The following ZSCAN30 variants were observed in gnomAD, a reference collection of about 807,000 sequenced individuals.
ZSCAN30 encodes the protein zinc finger and SCAN domain-containing protein 30.
A neutral mutation model predicts 44.3 loss-of-function variants in ZSCAN30; 37 were observed. The observed-to-expected ratio is 0.84, with a 90% CI of 0.64 to 1.10. The LOEUF is 1.10. Ranked by LOEUF, ZSCAN30 falls within the 50% of genes least tolerant of loss-of-function variation. The pLI is 0.00. For missense variants in ZSCAN30, 549 were observed against 582.6 expected (o/e 0.94, Z 0.59); for synonymous variants, 181 against 204.6 (o/e 0.88, Z 0.98).
chr18:35,254,304 A>G lies in ZSCAN30; in HGVS notation c.631T>C (p.Ser211Pro). 1 of 1,614,106 alleles carries G rather than the reference A, an allele frequency of 6.2e-7. No individual in the cohort carries two copies. Among genetic ancestry groups the G allele is most frequent in the Non-Finnish European group, 8.5e-7 (1 of 1,179,964 alleles). ...VECVASAAMI[S>P]PGKLPGETHS... ...GTTTCTCCAGGAAGTTTTCCCGGCG[A>G]TATCATAGCTGCTGAGGCTACACAT... The change falls in exon 4 of 4, where the codon TCG (serine) becomes CCG (proline). Residue 211 changes from serine to proline, a missense_variant. Physicochemically the swap from Ser to Pro is moderately conservative, Grantham distance 74. Coordinates refer to ENST00000333206, the MANE Select transcript of ZSCAN30 (RefSeq NM_001112734.4).
intron 3 of ZSCAN30, among the ~76,000 whole-genome samples, chr18:35,255,541 T>C (rs191647155): frequency 2.0e-5 from 3 of 152,224 alleles, no homozygotes; most frequent in South Asian, 2.1e-4. Context: ...CTGCCTTCCA[T>C]ATTGGAAGGA....
At position 35,260,855 on chromosome 18, in the gene ZSCAN30, T is replaced by A. The variant is rs116780558; in HGVS notation, c.553+2658A>T. On this transcript the variant is annotated intron_variant, in intron 3 of 3. Transcript: ENST00000333206. ...CTTTTGCTGTGCAAAAGCTCTTTAA[T>A]TACGTCCCATTTGTCAATTTTTGCT... 77 of 152,336 alleles carry A rather than the reference T, an allele frequency of 5.1e-4. 1 individual carries two copies. The highest frequency in any genetic ancestry group is 1.9e-3 in the African/African-American group (77 of 41,574). The allele number at this position is 152,336 out of a possible 1,614,324, so 9.4% of individuals were successfully genotyped here.
chr18:35,260,845 A>C (rs945220306), intron 3 of ZSCAN30: 3 of 151,938 alleles, frequency 2.0e-5, no homozygotes, highest in Non-Finnish European at 2.9e-5. Flanking sequence ...GCTGTGCAAA[A>C]GCTCTTTAAT....
Position 35,264,415 on chromosome 18 carries a change from T to C in ZSCAN30, c.-63A>G. The C allele has an allele frequency of 6.6e-7, 1 of 1,523,780 alleles. No homozygotes were observed. The highest frequency in any genetic ancestry group is 1.3e-5 in the South Asian group (1 of 78,668). The allele number at this position is 1,523,780 out of a possible 1,614,324, so 94.4% of individuals were successfully genotyped here. Reference sequence around the variant, plus strand: ...GGCAGGGAGGAGATGGAGATTTGCGTCTGAGAGATTCCTTCTGAATTCCAA... The same window carrying C: ...GGCAGGGAGGAGATGGAGATTTGCGCCTGAGAGATTCCTTCTGAATTCCAA... On this transcript the variant is annotated 5_prime_UTR_variant, in exon 2 of 4. Coordinates refer to ENST00000333206, the MANE Select transcript of ZSCAN30 (RefSeq NM_001112734.4).
intron 1 of ZSCAN30, chr18:35,267,527 G>C (rs1485449231): frequency 6.6e-6 from 1 of 152,092 alleles, no homozygotes; most frequent in Non-Finnish European, 1.5e-5. Context: ...CGAGAACAAT[G>C]CCCGGCCGCA....
intron 1 of ZSCAN30, among the ~76,000 whole-genome samples, chr18:35,277,694 A>G (rs780972627): frequency 6.6e-6 from 1 of 152,148 alleles, no homozygotes; most frequent in African/African-American, 2.4e-5. Flanking sequence ...ACCCAGTCTC[A>G]GGTATGTCTT....
chr18:35,284,673 T>C (rs1249319899), intron 1 of ZSCAN30: 1 of 155,100 alleles, frequency 6.4e-6, no homozygotes, highest in African/African-American at 2.4e-5. Flanking sequence ...CCAAGCCTGC[T>C]GAGGTGGGGG....
chr18:35,275,182 T>C (rs1342205347), intron 1 of ZSCAN30, among the ~76,000 whole-genome samples: 1 of 152,230 alleles, frequency 6.6e-6, no homozygotes, highest in Admixed American at 6.5e-5. Flanking sequence ...TGAATTGTCC[T>C]TCTTATCTAT....
At chr18:35,268,257 A>G (rs2044204173) in intron 1 of ZSCAN30, 1 of 152,324 alleles carries the variant, frequency 6.6e-6, no homozygotes, top group Non-Finnish European at 1.5e-5. Flanking sequence ...GGTGTTAGAA[A>G]TGCATTGAAT....
At chr18:35,262,350 G>C (rs994383583) in intron 3 of ZSCAN30, 1 of 152,158 alleles carries the variant, frequency 6.6e-6, no homozygotes, top group African/African-American at 2.4e-5. Flanking sequence ...TGCCCATAAG[G>C]ATGATTTTGC....
Position 35,254,084 on chromosome 18 carries a change from A to G in ZSCAN30, c.851T>C (p.Met284Thr). Residue 284 changes from methionine (M) to threonine (T), a missense_variant, in exon 4 of 4, where the codon ATG becomes ACG. By Grantham distance (81) the Met-to-Thr change is moderately conservative. Coordinates refer to ENST00000333206, the MANE Select transcript of ZSCAN30 (RefSeq NM_001112734.4). ...CTGTTGTGTAATATCATTTGAATTC[A>G]TACTGAAACTTCCTTCACTCTCATG... Reference protein sequence around the residue: ...ESHESEGSFSMNSNDITQQSV... With the variant: ...ESHESEGSFSTNSNDITQQSV... 1 of 1,614,140 alleles carries G rather than the reference A, an allele frequency of 6.2e-7. No individual in the cohort carries two copies. The highest frequency in any genetic ancestry group is 8.5e-7 in the Non-Finnish European group (1 of 1,180,016).
chr18:35,266,224 T>A (rs1239974687), intron 1 of ZSCAN30, among the ~76,000 whole-genome samples: 1 of 152,070 alleles, frequency 6.6e-6, no homozygotes, highest in African/African-American at 2.4e-5. Context: ...GCACAGTTAA[T>A]GAATGGTGAG....
At chr18:35,270,212 T>C (rs1409138668) in intron 1 of ZSCAN30, 1 of 151,978 alleles carries the variant, frequency 6.6e-6, no homozygotes, top group African/African-American at 2.4e-5. Flanking sequence ...TGAAAGATGT[T>C]AATAAAAAGA....
chr18:35,253,378 T>C lies in ZSCAN30; in HGVS notation c.*72A>G. 1.5e-6 allele frequency: 2 copies of C among 1,356,184 alleles called. No homozygotes were observed. The highest frequency in any genetic ancestry group is 2.0e-6 in the Non-Finnish European group (2 of 1,000,468). 84.0% of individuals were successfully genotyped at this position (1,356,184 alleles called of 1,614,324 possible). A position where few individuals can be genotyped will look rare whatever the true frequency, so the allele number is the denominator to read the frequency against. ...AGAAGTTCTGCTCTCAGGAAACTTT[T>C]CTTTTCTGTGGAGTCTCACCCCTAC... On this transcript the variant is annotated 3_prime_UTR_variant, in exon 4 of 4. Coordinates refer to ENST00000333206, the MANE Select transcript of ZSCAN30 (RefSeq NM_001112734.4).
At chr18:35,271,895 A>G (rs1041521860) in intron 1 of ZSCAN30, among the ~76,000 whole-genome samples, 1 of 152,092 alleles carries the variant, frequency 6.6e-6, no homozygotes, top group African/African-American at 2.4e-5. Context: ...CCCGGGTGCT[A>G]AGCCCCTTAC....
Position 35,253,348 on chromosome 18 carries a change from A to G in ZSCAN30, c.*102T>C. ...TCTTATAGTACCGAACTGGGAGGGA[A>G]GGACAGAAGTTCTGCTCTCAGGAAA... On this transcript the variant is annotated 3_prime_UTR_variant, in exon 4 of 4. Coordinates refer to ENST00000333206, the MANE Select transcript of ZSCAN30 (RefSeq NM_001112734.4). 1 of 881,792 alleles carries G rather than the reference A, an allele frequency of 1.1e-6. No individual in the cohort carries two copies. Among genetic ancestry groups the G allele is most frequent in the Non-Finnish European group, 1.7e-6 (1 of 585,810 alleles). 54.6% of individuals were successfully genotyped at this position (881,792 alleles called of 1,614,324 possible). A position where few individuals can be genotyped will look rare whatever the true frequency, so the allele number is the denominator to read the frequency against.
In ZSCAN30 at chr18:35,253,865, T is replaced by A; in HGVS notation, c.1070A>T (p.Tyr357Phe). ...HQRIHSGEKP[Y>F]ECCECGKAFR... ...GGCTTTTCCACATTCACAACATTCA[T>A]AGGGTTTTTCACCACTATGAATTCT... is the stretch of plus-strand genomic sequence containing the variant. The change falls in exon 4 of 4, where the codon TAT (tyrosine) becomes TTT (phenylalanine). Residue 357 changes from tyrosine (Y) to phenylalanine (F), a missense_variant. By Grantham distance (22) the Tyr-to-Phe change is conservative. Transcript: ENST00000333206. 1 of 1,614,190 alleles carries A rather than the reference T, an allele frequency of 6.2e-7. No homozygotes were observed. Among genetic ancestry groups the A allele is most frequent in the Non-Finnish European group, 8.5e-7 (1 of 1,180,034 alleles).
intron 3 of ZSCAN30, chr18:35,261,280 T>A (rs1251615502): frequency 6.6e-6 from 1 of 152,244 alleles, no homozygotes; most frequent in Admixed American, 6.5e-5. Flanking sequence ...TGAAGGCAGG[T>A]GGCATGATGC....
Position 35,251,064 on chromosome 18 carries a change from T to C in ZSCAN30, c.*2386A>G, listed in dbSNP as rs2043574642. 6.6e-6 allele frequency: 1 copy of C among 152,224 alleles called. No individual in the cohort carries two copies. Among genetic ancestry groups the C allele is most frequent in the Non-Finnish European group, 1.5e-5 (1 of 68,040 alleles). The allele number at this position is 152,224 out of a possible 1,614,324, so 9.4% of individuals were successfully genotyped here. ...GAATGAATAATTTCAAAGCAAACTTTTAAAACTCAAGTTTTATTGCAATAC... is the reference window on the plus strand; with the variant it reads ...GAATGAATAATTTCAAAGCAAACTTCTAAAACTCAAGTTTTATTGCAATAC... On this transcript the variant is annotated 3_prime_UTR_variant, in exon 4 of 4. Coordinates refer to ENST00000333206, the MANE Select transcript of ZSCAN30 (RefSeq NM_001112734.4).
Sources: gnomAD v4.1 joint callset for allele counts (sites outside exome capture counted in the v4.1 genomes callset) on GRCh38, gnomAD v4.1.1 for gene constraint, MANE v1.5 for transcripts, NCBI Gene and HGNC (gene_info 2026-07-23, HGNC 2026-07-21) for gene names.